The following EXOC4 variants were observed in gnomAD, a reference collection of about 807,000 sequenced individuals.
EXOC4 encodes the protein SEC8-like 1.
A neutral mutation model predicts 107.2 loss-of-function variants in EXOC4; 71 were observed. The observed-to-expected ratio is 0.66, with a 90% CI of 0.55 to 0.81. The LOEUF (loss-of-function observed/expected upper bound fraction) is 0.81. EXOC4 is among the 30% of genes least tolerant of loss of function. EXOC4 has a pLI of 0.00. For synonymous variants in EXOC4, 456 were observed against 441.2 expected (o/e 1.03, Z -0.42); for missense variants, 1,108 against 1,189.6 (o/e 0.93, Z 1.01).
intron 10 of EXOC4, among the ~76,000 whole-genome samples, chr7:133,668,602 G>T (rs1459718947): frequency 6.6e-6 from 1 of 152,182 alleles, no homozygotes; most frequent in Admixed American, 6.5e-5. Flanking sequence ...TTAAGCATGT[G>T]TCCTGGGAAT....
At chr7:133,270,687 T>G (rs180707051) in intron 1 of EXOC4, among the ~76,000 whole-genome samples, 21 of 152,340 alleles carry the variant, frequency 1.4e-4, no homozygotes, top group Admixed American at 6.5e-4. Flanking sequence ...TGTTCAAAAT[T>G]GCAGTGAATT....
chr7:133,284,539 TA>T (rs1301106311), intron 2 of EXOC4, among the ~76,000 whole-genome samples: 1 of 152,172 alleles, frequency 6.6e-6, no homozygotes, highest in Admixed American at 6.5e-5. Flanking sequence ...TATTTTATTT[TA>T]TTTTTTTGTG....
intron 7 of EXOC4, among the ~76,000 whole-genome samples, chr7:133,403,421 A>C (rs1374726673): frequency 6.6e-6 from 1 of 152,128 alleles, no homozygotes; most frequent in Non-Finnish European, 1.5e-5. Flanking sequence ...GCGGGCCATC[A>C]TGTTTGACCC....
chr7:133,862,298 C>T (rs1383981727), intron 11 of EXOC4, among the ~76,000 whole-genome samples: 2 of 151,856 alleles, frequency 1.3e-5, no homozygotes, highest in South Asian at 2.1e-4. Flanking sequence ...ACTAGCCTGG[C>T]CAACATGGTG....
chr7:133,485,034 C>A (rs556086528), intron 9 of EXOC4, among the ~76,000 whole-genome samples: 16 of 140,256 alleles, frequency 1.1e-4, no homozygotes, highest in Non-Finnish European at 2.2e-4. Flanking sequence ...GAGCCGAGAT[C>A]GCGCCACTGT....
chr7:133,652,442 T>A (rs1395814096), intron 10 of EXOC4, among the ~76,000 whole-genome samples: 3 of 146,596 alleles, frequency 2.0e-5, no homozygotes, highest in African/African-American at 7.5e-5. Context: ...AGCAATATTT[T>A]TTTTTTTAAA....
the EXOC4 span, among the ~76,000 whole-genome samples, chr7:134,100,661 T>A: frequency 2.1e-3 from 277 of 130,918 alleles, 45 homozygotes; most frequent in African/African-American, 6.5e-3. Context: ...ATCTAAATTT[T>A]GGAGCCAGGC....
chr7:133,706,932 G>C (rs938253816), intron 10 of EXOC4, among the ~76,000 whole-genome samples: 1 of 152,098 alleles, frequency 6.6e-6, no homozygotes. Context: ...GTCACACTGG[G>C]GATTAGGGCT....
chr7:134,069,230 T>TCC (rs71172430), downstream of EXOC4, among the ~76,000 whole-genome samples: 4 of 144,618 alleles, frequency 2.8e-5, no homozygotes, highest in African/African-American at 1.1e-4. Context: ...CTCCTTCTTC[T>TCC]TCTCCTTATT....
At chr7:133,525,946 C>G (rs1800070906) in intron 9 of EXOC4, among the ~76,000 whole-genome samples, 1 of 152,050 alleles carries the variant, frequency 6.6e-6, no homozygotes, top group South Asian at 2.1e-4. Context: ...AAGTATTTTT[C>G]TAATGGGATT....
At chr7:133,911,951 G>C (rs1257712158) in intron 12 of EXOC4, among the ~76,000 whole-genome samples, 2 of 152,144 alleles carry the variant, frequency 1.3e-5, no homozygotes, top group African/African-American at 4.8e-5. Context: ...AGATATGAAT[G>C]GTGAAATCTC....
intron 15 of EXOC4, among the ~76,000 whole-genome samples, chr7:134,003,459 T>C (rs1316695649): frequency 6.6e-6 from 1 of 152,152 alleles, no homozygotes; most frequent in Non-Finnish European, 1.5e-5. Context: ...TATTTCTCAA[T>C]AAACCTGACT....
chr7:133,343,148 A>G (rs918449888), intron 5 of EXOC4, among the ~76,000 whole-genome samples: 1 of 152,094 alleles, frequency 6.6e-6, no homozygotes, highest in African/African-American at 2.4e-5. Context: ...ATTTGGATAG[A>G]CTATGTCAGA....
At chr7:133,706,653 C>T (rs1794774660) in intron 10 of EXOC4, among the ~76,000 whole-genome samples, 1 of 152,128 alleles carries the variant, frequency 6.6e-6, no homozygotes, top group Non-Finnish European at 1.5e-5. Context: ...ACATTTTTAA[C>T]GAGATATTTT....
At chr7:133,627,718 C>T (rs538019896) in intron 9 of EXOC4, among the ~76,000 whole-genome samples, 3 of 152,174 alleles carry the variant, frequency 2.0e-5, no homozygotes, top group African/African-American at 7.2e-5. Context: ...TTCCTTAACT[C>T]AGCAAAACTT....
At chr7:133,661,156 G>T (rs1803430280) in intron 10 of EXOC4, among the ~76,000 whole-genome samples, 1 of 151,982 alleles carries the variant, frequency 6.6e-6, no homozygotes, top group Non-Finnish European at 1.5e-5. Context: ...CACCTGAGAG[G>T]GGTAAAGGAT....
chr7:133,368,949 T>G (rs1428788555), intron 6 of EXOC4, among the ~76,000 whole-genome samples: 2 of 152,218 alleles, frequency 1.3e-5, no homozygotes, highest in Non-Finnish European at 2.9e-5. Context: ...AGATCAGTGG[T>G]GAAAACCTTT....
rs138970424 is a variant in EXOC4, at chr7:133,833,906, C to T, written c.1734+16362C>T. On this transcript the variant is annotated intron_variant, in intron 11 of 17. Coordinates refer to ENST00000253861, the MANE Select transcript of EXOC4 (RefSeq NM_021807.4). The stretch of plus-strand genomic sequence containing the variant: ...TATTAGGTGGCTGATTCAGCTGGGC[C>T]AGTTAGAACCTCACTTATATACCAG... Among the ~76,000 whole-genome samples the T allele has an allele frequency of 5.6e-4, 85 of 152,218 alleles. 1 individual carries two copies. The East Asian group carries it at 0.012, about 22-fold the overall frequency.
At chr7:133,728,842 CT>C (rs1222506121) in intron 10 of EXOC4, among the ~76,000 whole-genome samples, 1 of 152,164 alleles carries the variant, frequency 6.6e-6, no homozygotes, top group Non-Finnish European at 1.5e-5. Flanking sequence ...CCCTAACATA[CT>C]GTTAGTAATA....
Sources: allele counts gnomAD v4.1 joint callset (sites outside exome capture counted in the v4.1 genomes callset), GRCh38; gene constraint gnomAD v4.1.1; transcripts MANE v1.5; gene names NCBI Gene and HGNC (gene_info 2026-07-23, HGNC 2026-07-21).